The following NCAM1 variants were observed in gnomAD, a reference collection of about 807,000 sequenced individuals.
NCAM1 encodes the protein neural cell adhesion molecule 1, also known as antigen recognized by monoclonal antibody 5.1H11.
Under a neutral mutation model 109.8 loss-of-function variants are expected in NCAM1, and 14 were observed. The observed-to-expected ratio is 0.13, with a 90% CI of 0.08 to 0.20. The LOEUF (loss-of-function observed/expected upper bound fraction) is 0.20, where lower values mean the gene tolerates loss of function less well. Ranked by LOEUF, NCAM1 falls within the 10% of genes least tolerant of loss-of-function variation. The pLI is 1.00. For missense variants in NCAM1, 774 were observed against 1,109.9 expected (o/e 0.70, Z 4.30); for synonymous variants, 418 against 442.9 (o/e 0.94, Z 0.70).
At chr11:113,199,829 T>TA (rs1555111558) in intron 1 of NCAM1, among the ~76,000 whole-genome samples, 3,286 of 115,746 alleles carry the variant, frequency 0.028, 62 homozygotes, top group African/African-American at 0.057. Flanking sequence ...GAAACACCCT[T>TA]AAAAAAAAAA....
chr11:113,064,712 C>T (rs1937864862), intron 1 of NCAM1, among the ~76,000 whole-genome samples: 1 of 152,136 alleles, frequency 6.6e-6, no homozygotes, highest in African/African-American at 2.4e-5. Context: ...AATTTCAAGT[C>T]AGCAAATTCT....
chr11:113,129,345 A>G (rs1423949109), intron 1 of NCAM1, among the ~76,000 whole-genome samples: 2 of 152,194 alleles, frequency 1.3e-5, no homozygotes, highest in South Asian at 2.1e-4. Flanking sequence ...TGGTTTCTAC[A>G]TAATTTTCTG....
chr11:113,010,917 T>C lies in NCAM1; in HGVS notation c.52+49253T>C, dbSNP rs564745974. On this transcript the variant is annotated intron_variant, in intron 1 of 19. Coordinates refer to ENST00000316851, the MANE Select transcript of NCAM1 (RefSeq NM_181351.5). ...CATAAGATCAGGAGTCACTGAAGGATTCATCATTGGGGGAGGCCTTTTTGA... is the reference window on the plus strand; with the variant it reads ...CATAAGATCAGGAGTCACTGAAGGACTCATCATTGGGGGAGGCCTTTTTGA... Among the ~76,000 whole-genome samples the C allele has an allele frequency of 3.9e-5, 6 of 152,176 alleles. No individual in the cohort carries two copies. In the South Asian group the frequency reaches 1.2e-3, roughly 32 times the overall value.
At chr11:113,128,906 GGTGTGTGTGT>G (rs782123739) in intron 1 of NCAM1, among the ~76,000 whole-genome samples, 4,856 of 84,896 alleles carry the variant, frequency 0.057, 437 homozygotes, top group Admixed American at 0.29. Context: ...AAGTTGTGAG[GGTGTGTGTGT>G]GTGTGTGTGT....
chr11:113,044,301 A>G (rs1555080438), intron 1 of NCAM1, among the ~76,000 whole-genome samples: 2 of 152,044 alleles, frequency 1.3e-5, no homozygotes, highest in African/African-American at 2.4e-5. Flanking sequence ...GAAAGTAATT[A>G]GTTTTAGTTA....
intron 1 of NCAM1, among the ~76,000 whole-genome samples, chr11:113,161,712 C>G (rs1942606218): frequency 6.6e-6 from 1 of 152,118 alleles, no homozygotes; most frequent in Non-Finnish European, 1.5e-5. Flanking sequence ...GTAAAAGAAA[C>G]TCTTGTTGAT....
In NCAM1 at chr11:113,215,996, T is replaced by C. The variant is rs1317255221; in HGVS notation, c.1059+1485T>C. ...TTTGACCTACAGTGAAGGACAGAAA[T>C]AATATCTATCTCAGATGAATGATGC... On this transcript the variant is annotated intron_variant, in intron 8 of 19. Coordinates refer to ENST00000316851, the MANE Select transcript of NCAM1 (RefSeq NM_181351.5). 2.0e-5 allele frequency among the ~76,000 whole-genome samples: 3 copies of C among 152,308 alleles called. No individual in the cohort carries two copies. In the East Asian group the frequency reaches 5.8e-4, roughly 29 times the overall value.
At chr11:113,115,749 G>A (rs988784542) in intron 1 of NCAM1, among the ~76,000 whole-genome samples, 1 of 152,172 alleles carries the variant, frequency 6.6e-6, no homozygotes, top group Non-Finnish European at 1.5e-5. Context: ...TGCACTAGTC[G>A]AGAAACAGTT....
At chr11:113,182,682 C>T (rs1395733567) in intron 1 of NCAM1, among the ~76,000 whole-genome samples, 1 of 152,146 alleles carries the variant, frequency 6.6e-6, no homozygotes, top group Admixed American at 6.6e-5. Flanking sequence ...GAGTTAGGGG[C>T]GGTGCTGTGT....
At chr11:113,240,669 T>C in intron 14 of NCAM1, 3 of 932,710 alleles carry the variant, frequency 3.2e-6, no homozygotes, top group Non-Finnish European at 5.3e-6. Context: ...CTTCCCACTT[T>C]AACTCACTTC....
At chr11:113,148,941 C>T (rs1458639860) in intron 1 of NCAM1, among the ~76,000 whole-genome samples, 1 of 152,182 alleles carries the variant, frequency 6.6e-6, no homozygotes, top group Non-Finnish European at 1.5e-5. Flanking sequence ...GTGACTGTCT[C>T]ACCTCCTCAC....
intron 1 of NCAM1, among the ~76,000 whole-genome samples, chr11:113,061,266 A>G (rs1240014485): frequency 1.3e-5 from 2 of 152,112 alleles, no homozygotes; most frequent in African/African-American, 4.8e-5. Flanking sequence ...ATAATATTCC[A>G]TTCTATGTTT....
chr11:113,209,044 A>C (rs1944318810), intron 7 of NCAM1, among the ~76,000 whole-genome samples: 2 of 152,222 alleles, frequency 1.3e-5, no homozygotes, highest in Non-Finnish European at 2.9e-5. Context: ...TTGAAAAAAG[A>C]ATTGGTTGCA....
intron 17 of NCAM1, among the ~76,000 whole-genome samples, chr11:113,261,563 C>T (rs45479599): frequency 0.016 from 2,483 of 152,190 alleles, 23 homozygotes; most frequent in Non-Finnish European, 0.025. Context: ...AGGCAAGGCA[C>T]GTGGGCAAGG....
chr11:113,229,019 A>C (rs1362635617), intron 9 of NCAM1, among the ~76,000 whole-genome samples: 1 of 152,250 alleles, frequency 6.6e-6, no homozygotes, highest in Non-Finnish European at 1.5e-5. Context: ...GGACATAGGC[A>C]TGGACAAGGA....
intron 15 of NCAM1, among the ~76,000 whole-genome samples, chr11:113,252,898 G>A (rs369799563): frequency 6.1e-5 from 8 of 131,660 alleles, no homozygotes; most frequent in African/African-American, 2.0e-4. Flanking sequence ...TGATCCACCT[G>A]CCTCAGCCTC....
chr11:113,169,816 G>T (rs142702349), intron 1 of NCAM1, among the ~76,000 whole-genome samples: 1 of 151,976 alleles, frequency 6.6e-6, no homozygotes, highest in African/African-American at 2.4e-5. Context: ...TAGTAAAGAC[G>T]GGGTTTCGCC....
At position 113,221,339 on chromosome 11, in the gene NCAM1, G is replaced by A; in HGVS notation, c.1089+14G>A. On this transcript the variant is annotated intron_variant, in intron 9 of 19. Transcript: ENST00000316851. Reference sequence around the variant, plus strand: ...GAGAAGCAAGAGGTATAGCTTACCTGACCACTAGCCAGTCTTTAGTTTTGA... The same window carrying A: ...GAGAAGCAAGAGGTATAGCTTACCTAACCACTAGCCAGTCTTTAGTTTTGA... The A allele has an allele frequency of 6.4e-7, 1 of 1,566,820 alleles. No individual in the cohort carries two copies. Among genetic ancestry groups the A allele is most frequent in the Non-Finnish European group, 8.7e-7 (1 of 1,153,736 alleles).
chr11:113,138,956 A>T (rs1417454524), intron 1 of NCAM1, among the ~76,000 whole-genome samples: 1 of 152,182 alleles, frequency 6.6e-6, no homozygotes, highest in East Asian at 1.9e-4. Flanking sequence ...TGCCTAGCAT[A>T]GGTCGATGAG....
Sources: allele counts gnomAD v4.1 joint callset (sites outside exome capture counted in the v4.1 genomes callset), GRCh38; gene constraint gnomAD v4.1.1; transcripts MANE v1.5; gene names NCBI Gene and HGNC (gene_info 2026-07-23, HGNC 2026-07-21).